Variants in LRRIQ1 observed in about 807,000 individuals in gnomAD.
LRRIQ1 encodes leucine rich repeats and IQ motif containing 1, also known as leucine-rich repeat- and IQ domain-containing protein 1.
LRRIQ1 carries 210 observed loss-of-function variants against 211.9 expected under a neutral mutation model. The observed-to-expected ratio is 0.99, with a 90% confidence interval of 0.89 to 1.11. The LOEUF (loss-of-function observed/expected upper bound fraction) is 1.11. Among genes scored for constraint, LRRIQ1 ranks in the 50% most tolerant of loss-of-function variants. The pLI is 0.00. For missense variants in LRRIQ1, 2,136 were observed against 1,939.5 expected (o/e 1.10, Z -1.90); for synonymous variants, 699 against 650.1 (o/e 1.08, Z -1.14).
Position 85,153,736 on chromosome 12 carries a change from G to T in LRRIQ1, c.4615G>T (p.Glu1539Ter). ...SRKSLLKSEK[E>*]KKISEEWGFK... ...AAAGAGTTTGCTAAAATCTGAAAAA[G>T]AAAAAAAAATTTCAGAAGAATGGTA... is the stretch of plus-strand genomic sequence containing the variant. Residue 1539 changes from glutamate to a stop codon, truncating the protein, a stop_gained, in exon 22 of 27, where the codon GAA becomes TAA. Coordinates refer to ENST00000393217, the MANE Select transcript of LRRIQ1 (RefSeq NM_001079910.2). LOFTEE classifies it high-confidence loss of function. The T allele has an allele frequency of 6.4e-7, 1 of 1,558,200 alleles. No individual in the cohort carries two copies. The highest frequency in any genetic ancestry group is 8.7e-7 in the Non-Finnish European group (1 of 1,153,322).
intron 1 of LRRIQ1, among the ~76,000 whole-genome samples, chr12:85,255,195 A>C (rs1403957349): frequency 6.6e-6 from 1 of 151,846 alleles, no homozygotes; most frequent in Non-Finnish European, 1.5e-5. Flanking sequence ...AGTAGATTTG[A>C]TGATAAAAAT....
At chr12:85,152,547 T>A (rs1167823085) in intron 20 of LRRIQ1, among the ~76,000 whole-genome samples, 178 bp downstream of exon 20, 1 of 151,762 alleles carries the variant, frequency 6.6e-6, no homozygotes, top group Non-Finnish European at 1.5e-5. Context: ...TTTCATTTGC[T>A]CCTTTTTTTC....
At chr12:85,168,302 A>T (rs1328625609) in intron 24 of LRRIQ1, among the ~76,000 whole-genome samples, 1 of 152,100 alleles carries the variant, frequency 6.6e-6, no homozygotes, top group Non-Finnish European at 1.5e-5. Context: ...GGACACCCTA[A>T]GGGATCTCCT....
intron 26 of LRRIQ1, among the ~76,000 whole-genome samples, chr12:85,238,973 A>C (rs1444551452): frequency 6.6e-6 from 1 of 152,206 alleles, no homozygotes; most frequent in Non-Finnish European, 1.5e-5. Context: ...TTAGCAATAA[A>C]GTTTAAAAAT....
chr12:85,056,267 T>C lies in LRRIQ1; in HGVS notation c.1474T>C (p.Cys492Arg). 1 of 1,574,204 alleles carries C rather than the reference T, an allele frequency of 6.4e-7. No homozygotes were observed. Among genetic ancestry groups the C allele is most frequent in the Non-Finnish European group, 8.5e-7 (1 of 1,169,592 alleles). ...AAATGAAAACCTAGCAAAAAAACGA[T>C]GTTCAGAAGAATTGGTCAAGCAAGA... ...EKNENLAKKR[C>R]SEELVKQERK... is the part of the protein sequence containing the mutation. The change falls in exon 8 of 27, where the codon TGT becomes CGT. Residue 492 changes from cysteine (C) to arginine (R), a missense_variant. Coordinates refer to ENST00000393217, the MANE Select transcript of LRRIQ1 (RefSeq NM_001079910.2).
chr12:85,127,340 G>A (rs1259673119), intron 17 of LRRIQ1, among the ~76,000 whole-genome samples: 1 of 152,168 alleles, frequency 6.6e-6, no homozygotes, highest in Non-Finnish European at 1.5e-5. Context: ...TTAACTGTTT[G>A]TGGGCAGAGA....
chr12:85,044,961 T>A, intron 4 of LRRIQ1, 152 bp downstream of exon 4: 1 of 414,702 alleles, frequency 2.4e-6, no homozygotes, highest in Non-Finnish European at 4.4e-6. Context: ...GTTTTATGGT[T>A]TCTTCTGGCA....
At position 85,072,975 on chromosome 12, in the gene LRRIQ1, A is replaced by T. The variant is rs760765297; in HGVS notation, c.2764A>T (p.Thr922Ser). ...AGFCHHLGTS[T>S]SYLSLAQVWI... is the part of the protein sequence containing the mutation. ...GTTCTGCCATCACTTGGGCACCTCC[A>T]CTTCTTACTTATCCCTGGCACAAGT... Residue 922 changes from threonine to serine, a missense_variant, in exon 11 of 27, where the codon ACT (threonine) becomes TCT (serine). Coordinates refer to ENST00000393217, the MANE Select transcript of LRRIQ1 (RefSeq NM_001079910.2). The T allele has an allele frequency of 2.1e-5, 34 of 1,612,758 alleles. 1 individual carries two copies. Among genetic ancestry groups the T allele is most frequent in the Non-Finnish European group, 8.5e-7 (1 of 1,179,306 alleles).
At chr12:85,267,443 A>C (rs937589303), downstream of LRRIQ1, among the ~76,000 whole-genome samples, 1 of 152,118 alleles carries the variant, frequency 6.6e-6, no homozygotes, top group Non-Finnish European at 1.5e-5. Flanking sequence ...TTAGATTAAC[A>C]TCTATAAGTA....
chr12:85,047,973 A>C, intron 6 of LRRIQ1: 1 of 154,506 alleles, frequency 6.5e-6, no homozygotes, highest in Admixed American at 6.5e-5. Context: ...TTTCTGTCGT[A>C]TGTGTTGTTG....
chr12:85,068,918 C>T (rs1333978169), intron 10 of LRRIQ1, among the ~76,000 whole-genome samples: 1 of 149,752 alleles, frequency 6.7e-6, no homozygotes, highest in African/African-American at 2.4e-5. Flanking sequence ...CCTGTATTTT[C>T]TTATTTATTT....
At chr12:85,102,991 A>G (rs1180704174) in intron 13 of LRRIQ1, among the ~76,000 whole-genome samples, 5 of 128,802 alleles carry the variant, frequency 3.9e-5, no homozygotes, top group African/African-American at 1.7e-4. Context: ...TATATATTTT[A>G]CTAAGGAGTT....
chr12:85,144,064 C>A (rs1055960863), intron 19 of LRRIQ1, among the ~76,000 whole-genome samples: 2 of 151,676 alleles, frequency 1.3e-5, no homozygotes, highest in Middle Eastern at 3.4e-3. Flanking sequence ...TCACCTCCTC[C>A]TGTCCTCCGC....
At chr12:85,121,531 TAAC>T (rs948684133) in intron 15 of LRRIQ1, among the ~76,000 whole-genome samples, 163 bp from the exon 16 acceptor site, 1 of 152,194 alleles carries the variant, frequency 6.6e-6, no homozygotes, top group East Asian at 1.9e-4. Flanking sequence ...TAAAGAAATG[TAAC>T]AACAACAAAA....
exon 2 of LRRIQ1, chr12:85,262,918 G>T (rs1411297229): frequency 3.1e-6 from 3 of 981,164 alleles, no homozygotes. Flanking sequence ...TGTCTAGGTT[G>T]TTCAGTTAAG....
At chr12:85,049,858 C>T (rs1393028745) in intron 6 of LRRIQ1, among the ~76,000 whole-genome samples, 2 of 152,134 alleles carry the variant, frequency 1.3e-5, no homozygotes, top group Non-Finnish European at 2.9e-5. Context: ...TTTATGCCAG[C>T]AAAAATTTGA....
intron 24 of LRRIQ1, among the ~76,000 whole-genome samples, chr12:85,201,213 T>G (rs1893274602): frequency 6.6e-6 from 1 of 151,762 alleles, no homozygotes; most frequent in Non-Finnish European, 1.5e-5. Context: ...TCATCGAGGC[T>G]ATTGGCCTGA....
chr12:85,080,426 C>T (rs1243452259), intron 11 of LRRIQ1, among the ~76,000 whole-genome samples: 1 of 151,096 alleles, frequency 6.6e-6, no homozygotes, highest in Non-Finnish European at 1.5e-5. Flanking sequence ...ATATAGAGGG[C>T]ATAATATATT....
intron 24 of LRRIQ1, among the ~76,000 whole-genome samples, chr12:85,200,875 A>C (rs986280724): frequency 6.6e-6 from 1 of 151,772 alleles, no homozygotes; most frequent in African/African-American, 2.4e-5. Context: ...GCTGCAGTGC[A>C]GTGGAGCGAT....
Sources: gnomAD v4.1 joint callset for allele counts (sites outside exome capture counted in the v4.1 genomes callset) on GRCh38, gnomAD v4.1.1 for gene constraint, MANE v1.5 for transcripts, NCBI Gene and HGNC (gene_info 2026-07-23, HGNC 2026-07-21) for gene names.